Variants in PI4K2A observed in about 807,000 individuals in gnomAD.
PI4K2A encodes the protein phosphatidylinositol 4-kinase type 2 alpha.
A neutral mutation model predicts 55.0 loss-of-function variants in PI4K2A; 20 were observed. The observed-to-expected ratio is 0.36, with a 90% CI of 0.26 to 0.53. The LOEUF (loss-of-function observed/expected upper bound fraction) is 0.53, where lower values mean the gene tolerates loss of function less well. Ranked by LOEUF, PI4K2A falls within the 20% of genes least tolerant of loss-of-function variation. The pLI is 0.91. For missense variants in PI4K2A, 463 were observed against 637.1 expected, an observed-to-expected ratio of 0.73 and a Z score of 2.94; for synonymous variants, 235 against 258.5, an observed-to-expected ratio of 0.91 and a Z score of 0.87.
Position 97,667,050 on chromosome 10 carries a change from T to G in PI4K2A, c.1219-11T>G, listed in dbSNP as rs746799620. On this transcript the variant is annotated splice_polypyrimidine_tract_variant and intron_variant, in intron 7 of 8. Coordinates refer to ENST00000370631, the Ensembl canonical transcript of PI4K2A. The stretch of plus-strand genomic sequence containing the variant: ...ACACAGGTTCCATCTCCTTCTGGTC[T>G]TCTTTTGCAGAAAGATCCTGGTTTC... 1.9e-6 allele frequency: 3 copies of G among 1,611,726 alleles called. No individual in the cohort carries two copies. The highest frequency in any genetic ancestry group is 2.5e-6 in the Non-Finnish European group (3 of 1,178,084).
At chr10:97,660,128 A>C (rs1441803189) in intron 4 of PI4K2A, among the ~76,000 whole-genome samples, 2 of 148,668 alleles carry the variant, frequency 1.3e-5, no homozygotes, top group Non-Finnish European at 3.0e-5. Flanking sequence ...CAGCCTCCCG[A>C]GTAGCTGGGA....
chr10:97,668,414 C>CA (rs1178044410), intron 8 of PI4K2A, among the ~76,000 whole-genome samples: 1 of 152,044 alleles, frequency 6.6e-6, no homozygotes, highest in Non-Finnish European at 1.5e-5. Flanking sequence ...CCCATCTCTA[C>CA]AAAAAACACA....
At chr10:97,673,003 G>A (rs1309836905) in intron 8 of PI4K2A, among the ~76,000 whole-genome samples, 1 of 141,562 alleles carries the variant, frequency 7.1e-6, no homozygotes, top group African/African-American at 2.6e-5. Context: ...TTTGTTTTTT[G>A]AGATGGAGTC....
At chr10:97,661,974 C>T (rs991904490) in intron 4 of PI4K2A, among the ~76,000 whole-genome samples, 6 of 151,702 alleles carry the variant, frequency 4.0e-5, no homozygotes, top group African/African-American at 1.5e-4. Context: ...GCCTCAGCCT[C>T]CCAAGTAGTT....
At chr10:97,662,821 C>A in intron 4 of PI4K2A, 86 bp from the exon 5 acceptor site, 1 of 822,050 alleles carries the variant, frequency 1.2e-6, no homozygotes, top group Non-Finnish European at 2.2e-6. Context: ...AAGCGTTAGT[C>A]CGAGTGTCCA....
At chr10:97,653,847 G>T (rs1045286950) in intron 2 of PI4K2A, among the ~76,000 whole-genome samples, 11 of 152,116 alleles carry the variant, frequency 7.2e-5, no homozygotes, top group African/African-American at 2.4e-4. Flanking sequence ...AACCTGGAAG[G>T]CAGAGGTTGC....
chr10:97,661,347 C>A (rs988351676), intron 4 of PI4K2A, among the ~76,000 whole-genome samples: 1 of 150,538 alleles, frequency 6.6e-6, no homozygotes, highest in Non-Finnish European at 1.5e-5. Flanking sequence ...TCCATAGATA[C>A]CTCCATATGT....
At chr10:97,651,111 A>G in exon 2 of PI4K2A, 1 of 1,613,572 alleles carries the variant, frequency 6.2e-7, no homozygotes, top group Non-Finnish European at 8.5e-7. Context: ...TGGACCAAAA[A>G]CTGGAACTCA....
At position 97,656,188 on chromosome 10, in the gene PI4K2A, A is replaced by G; in HGVS notation, c.637-97A>G. ...ATTCTTTCTGTGCCCTGGAAGAGGAATAGGATTTGTGAACATCAAGCTATT... is the reference window on the plus strand; with the variant it reads ...ATTCTTTCTGTGCCCTGGAAGAGGAGTAGGATTTGTGAACATCAAGCTATT... On this transcript the variant is annotated intron_variant, in intron 2 of 8. Coordinates refer to ENST00000370631, the Ensembl canonical transcript of PI4K2A. This position sits in a 1 kb window ranked among gnomAD's most constrained non-coding sequence, Gnocchi z 4.5. The G allele has an allele frequency of 1.0e-6, 1 of 977,770 alleles. No homozygotes were observed. The highest frequency in any genetic ancestry group is 1.6e-6 in the Non-Finnish European group (1 of 634,846). The allele number at this position is 977,770 out of a possible 1,614,324, so 60.6% of individuals were successfully genotyped here.
At chr10:97,646,710 CCCT>C (rs1479072579) in intron 1 of PI4K2A, among the ~76,000 whole-genome samples, 1 of 152,142 alleles carries the variant, frequency 6.6e-6, no homozygotes, top group Non-Finnish European at 1.5e-5. Flanking sequence ...TAGCATGACA[CCCT>C]CCTCCTTGTC....
At position 97,656,418 on chromosome 10, in the gene PI4K2A, T is replaced by TA. The variant is rs1439162004; in HGVS notation, c.768+3dup. 6.2e-7 allele frequency: 1 copy of TA among 1,613,718 alleles called. No individual in the cohort carries two copies. The highest frequency in any genetic ancestry group is 1.7e-5 in the Admixed American group (1 of 60,008). ...AACCGCATCGGGCTACCACCAAAGG[T>TA]ATAGACGCACCTCTGGCTTATCAAG... On this transcript the variant is annotated splice_region_variant and intron_variant, in intron 3 of 8. Transcript: ENST00000370631. This position sits in a 1 kb window ranked among gnomAD's most constrained non-coding sequence, Gnocchi z 4.5.
chr10:97,659,004 T>C (rs769246428), intron 4 of PI4K2A, among the ~76,000 whole-genome samples: 1 of 152,238 alleles, frequency 6.6e-6, no homozygotes, highest in Non-Finnish European at 1.5e-5. Context: ...AGATATATAA[T>C]TTGCAAATAT....
intron 1 of PI4K2A, among the ~76,000 whole-genome samples, chr10:97,644,104 A>T (rs1316291227): frequency 6.6e-6 from 1 of 152,150 alleles, no homozygotes; most frequent in Non-Finnish European, 1.5e-5. Context: ...TACTCTCAGC[A>T]CTTTGGGAGG....
At position 97,656,209 on chromosome 10, in the gene PI4K2A, C is replaced by G; in HGVS notation, c.637-76C>G. Reference sequence around the variant, plus strand: ...AGGAATAGGATTTGTGAACATCAAGCTATTTATTCTCTGCCATAGTCTTCT... The same window carrying G: ...AGGAATAGGATTTGTGAACATCAAGGTATTTATTCTCTGCCATAGTCTTCT... On this transcript the variant is annotated intron_variant, in intron 2 of 8. Transcript: ENST00000370631. The surrounding 1 kb of genome is among the most constrained non-coding windows in gnomAD (Gnocchi z 4.5). The G allele has an allele frequency of 8.4e-7, 1 of 1,189,052 alleles. No individual in the cohort carries two copies. Among genetic ancestry groups the G allele is most frequent in the Non-Finnish European group, 1.2e-6 (1 of 811,294 alleles). 73.7% of individuals were successfully genotyped at this position (1,189,052 alleles called of 1,614,324 possible). A position where few individuals can be genotyped will look rare whatever the true frequency, so the allele number is the denominator to read the frequency against.
chr10:97,663,012 C>T, intron 5 of PI4K2A, 44 bp downstream of exon 5: 1 of 1,269,598 alleles, frequency 7.9e-7, no homozygotes, highest in Non-Finnish European at 1.2e-6. Flanking sequence ...AGAGTATTTG[C>T]ATAATATAGA....
exon 9 of PI4K2A, chr10:97,674,594 A>G (rs2041652717): frequency 6.6e-6 from 1 of 152,192 alleles, no homozygotes; most frequent in African/African-American, 2.4e-5. Context: ...ATGGGTGAAC[A>G]TATCCCACCT....
intron 1 of PI4K2A, among the ~76,000 whole-genome samples, chr10:97,647,812 G>A (rs928152634): frequency 6.7e-6 from 1 of 150,112 alleles, no homozygotes; most frequent in Non-Finnish European, 1.5e-5. Flanking sequence ...TGGAGTCATT[G>A]AAATGCTTCT....
chr10:97,656,374 A>T lies in PI4K2A; in HGVS notation c.726A>T (p.Pro242=). Residue 242 remains proline, a synonymous_variant, in exon 3 of 9, where the codon CCA becomes CCT. Coordinates refer to ENST00000370631, the Ensembl canonical transcript of PI4K2A. This position sits in a 1 kb window ranked among gnomAD's most constrained non-coding sequence, Gnocchi z 4.5. ...AGCGGCTTGCACTAGAGAAAGTGCCAAAAGTTGGACAGCGGTTTAACCGCA... is the reference window on the plus strand; with the variant it reads ...AGCGGCTTGCACTAGAGAAAGTGCCTAAAGTTGGACAGCGGTTTAACCGCA... 1 of 1,614,180 alleles carries T rather than the reference A, an allele frequency of 6.2e-7. No individual in the cohort carries two copies. Among genetic ancestry groups the T allele is most frequent in the East Asian group, 2.2e-5 (1 of 44,884 alleles).
intron 7 of PI4K2A, 42 bp from the exon 8 acceptor site, chr10:97,667,019 G>C (rs2041612741): frequency 6.8e-7 from 1 of 1,473,802 alleles, no homozygotes; most frequent in Admixed American, 1.7e-5. Flanking sequence ...TTCCTGTGAG[G>C]CATTCACACA....
Sources: gnomAD v4.1 joint callset for allele counts (sites outside exome capture counted in the v4.1 genomes callset) on GRCh38, gnomAD v4.1.1 for gene constraint, Gnocchi (gnomAD v3.1) non-coding constraint, MANE v1.5 for transcripts, NCBI Gene and HGNC (gene_info 2026-07-23, HGNC 2026-07-21) for gene names.